SRFBP1: variants seen among roughly 807,000 people sequenced by gnomAD.
The protein encoded by SRFBP1 is serum response factor-binding protein 1.
In SRFBP1, 47 loss-of-function variants were observed where a neutral mutation model predicts 45.5. The ratio of observed to expected loss-of-function variants is 1.03; its 90% CI spans 0.82 to 1.32. The LOEUF is 1.32. Ranked by LOEUF, SRFBP1 falls within the 40% of genes most tolerant of loss-of-function variation. The pLI is 0.00. For missense variants in SRFBP1, 621 were observed against 484.6 expected, an observed-to-expected ratio of 1.28 and a Z score of -2.64; for synonymous variants, 203 against 166.3, an observed-to-expected ratio of 1.22 and a Z score of -1.70.
chr5:122,061,958 T>G (rs940502219), intron 2 of SRFBP1, among the ~76,000 whole-genome samples: 1 of 151,912 alleles, frequency 6.6e-6, no homozygotes, highest in African/African-American at 2.4e-5. Flanking sequence ...TTAAAATTAC[T>G]TAAGATGGTA....
At chr5:122,043,248 C>G (rs543141052) in intron 2 of SRFBP1, among the ~76,000 whole-genome samples, 1 of 151,932 alleles carries the variant, frequency 6.6e-6, no homozygotes, top group African/African-American at 2.4e-5. Context: ...CAGAGTCTCC[C>G]TCTGTCGCCC....
rs185452849 is a variant in SRFBP1, at chr5:122,026,829, A to G, written c.1106-113A>G. 4.8e-3 allele frequency: 3,531 copies of G among 738,654 alleles called. 13 individuals carry two copies. The highest frequency in any genetic ancestry group is 7.5e-3 in the Admixed American group (202 of 26,944). 45.8% of individuals were successfully genotyped at this position (738,654 alleles called of 1,614,324 possible). ...TCAGTTTTAAATTGTGAAATATTCC[A>G]TTTAAGAAAACAAAATTTCTTTTTT... is the stretch of plus-strand genomic sequence containing the variant. On this transcript the variant is annotated intron_variant, in intron 7 of 7. Transcript: ENST00000339397.
intron 2 of SRFBP1, among the ~76,000 whole-genome samples, chr5:122,038,542 A>G (rs1753726540): frequency 6.6e-6 from 1 of 152,248 alleles, no homozygotes; most frequent in African/African-American, 2.4e-5. Context: ...AGGATCAAAT[A>G]TCACTGCTTC....
At chr5:121,983,885 C>T (rs972805147) in intron 3 of SRFBP1, among the ~76,000 whole-genome samples, 1 of 151,586 alleles carries the variant, frequency 6.6e-6, no homozygotes, top group Non-Finnish European at 1.5e-5. Context: ...TGTTCAAGAC[C>T]CTAAAATTAG....
intron 2 of SRFBP1, among the ~76,000 whole-genome samples, chr5:122,049,904 A>G (rs1561408858): frequency 6.6e-6 from 1 of 152,214 alleles, no homozygotes; most frequent in Admixed American, 6.5e-5. Flanking sequence ...ATAGCACTAA[A>G]TGCTCACAAG....
chr5:121,970,930 C>A (rs1358556199), intron 1 of SRFBP1, among the ~76,000 whole-genome samples: 1 of 151,972 alleles, frequency 6.6e-6, no homozygotes, highest in Non-Finnish European at 1.5e-5. Flanking sequence ...GTACTTGTGA[C>A]CCTCTCAGGG....
chr5:122,035,650 A>T (rs1753682423), intron 2 of SRFBP1, among the ~76,000 whole-genome samples: 1 of 152,156 alleles, frequency 6.6e-6, no homozygotes, highest in Non-Finnish European at 1.5e-5. Context: ...ATTCCAGCTT[A>T]CTATATTCTA....
At chr5:122,037,547 A>G (rs985702702) in intron 2 of SRFBP1, among the ~76,000 whole-genome samples, 1 of 151,910 alleles carries the variant, frequency 6.6e-6, no homozygotes, top group Admixed American at 6.6e-5. Flanking sequence ...CTCTGTCGCT[A>G]TGTTGAAGAG....
rs537742338 is a variant in SRFBP1, at chr5:122,015,623, A to G, written c.271-3637A>G. Among the ~76,000 whole-genome samples, 11 of 152,366 alleles carry G rather than the reference A, an allele frequency of 7.2e-5. No homozygotes were observed. In the East Asian group the frequency reaches 2.1e-3, roughly 29 times the overall value. The stretch of plus-strand genomic sequence containing the variant: ...CTTTGGCTTTGTTCCATAAAACTTT[A>G]TTAAATAAAAGAAAGTTCCAGCGGC... On this transcript the variant is annotated intron_variant, in intron 4 of 7. Coordinates refer to ENST00000339397, the MANE Select transcript of SRFBP1 (RefSeq NM_152546.3).
chr5:121,993,471 A>AAG (rs1752656674), intron 3 of SRFBP1, among the ~76,000 whole-genome samples: 2 of 152,108 alleles, frequency 1.3e-5, no homozygotes, highest in South Asian at 4.1e-4. Context: ...ACCGTGGTAG[A>AAG]GATTTTTTGA....
At chr5:121,988,881 C>G (rs1191647007) in intron 3 of SRFBP1, among the ~76,000 whole-genome samples, 2 of 151,856 alleles carry the variant, frequency 1.3e-5, no homozygotes, top group African/African-American at 4.8e-5. Flanking sequence ...TTTTTTTCTC[C>G]TAAGTTCATA....
At position 122,028,230 on chromosome 5, in the gene SRFBP1, C is replaced by T. The variant is rs1460681575; in HGVS notation, c.*1104C>T. On this transcript the variant is annotated 3_prime_UTR_variant, in exon 8 of 8. Transcript: ENST00000339397. ...AATCCATGTTTCCTGCACATTAGTTCCTTTAATGGCAGGGAAGGCCATCTG... is the reference window on the plus strand; with the variant it reads ...AATCCATGTTTCCTGCACATTAGTTTCTTTAATGGCAGGGAAGGCCATCTG... 1.3e-5 allele frequency: 2 copies of T among 152,164 alleles called. No individual in the cohort carries two copies. The highest frequency in any genetic ancestry group is 1.5e-5 in the Non-Finnish European group (1 of 68,038). The allele number at this position is 152,164 out of a possible 1,614,324, so 9.4% of individuals were successfully genotyped here.
intron 3 of SRFBP1, among the ~76,000 whole-genome samples, chr5:121,987,817 T>A (rs1752546296): frequency 6.6e-6 from 1 of 152,200 alleles, no homozygotes; most frequent in Non-Finnish European, 1.5e-5. Flanking sequence ...CTTTTTGTGT[T>A]TACCCAATCT....
intron 2 of SRFBP1, among the ~76,000 whole-genome samples, chr5:122,045,077 G>A (rs1393137813): frequency 6.6e-6 from 1 of 152,098 alleles, no homozygotes; most frequent in African/African-American, 2.4e-5. Context: ...TTCTGCATAT[G>A]GCTAGCCCAT....
chr5:122,036,824 G>A (rs1753701097), intron 2 of SRFBP1, among the ~76,000 whole-genome samples: 1 of 151,372 alleles, frequency 6.6e-6, no homozygotes, highest in African/African-American at 2.4e-5. Context: ...TTTGCTGATT[G>A]TAATCTATAT....
In SRFBP1 at chr5:122,024,953, G is replaced by GT. The variant is rs556012127; in HGVS notation, c.1106-1981dup. On this transcript the variant is annotated intron_variant, in intron 7 of 7. Transcript: ENST00000339397. ...ACAGGTTTTTGTTTTGTTTTGTTTT[G>GT]TTTTTTTTATTTTTATTATTATTAC... Among the ~76,000 whole-genome samples the GT allele has an allele frequency of 4.6e-3, 701 of 151,286 alleles. 5 individuals carry two copies. The highest frequency in any genetic ancestry group is 0.016 in the African/African-American group (659 of 41,242).
rs1752954988 is a variant in SRFBP1 at position 122,005,393 on chromosome 5, A to AGT, written c.270+10725_270+10726dup. On this transcript the variant is annotated intron_variant, in intron 4 of 7. Transcript: ENST00000339397. ...GATGAATTGACCCCTTTATCTATAT[A>AGT]GTGACTCTGGTCTCATTGTACAATT... Among the ~76,000 whole-genome samples, 3 of 152,106 alleles carry AGT rather than the reference A, an allele frequency of 2.0e-5. 1 individual carries two copies. The South Asian group carries it at 6.2e-4, about 32-fold the overall frequency.
At chr5:122,060,667 A>G (rs1024886187) in intron 2 of SRFBP1, among the ~76,000 whole-genome samples, 3 of 152,130 alleles carry the variant, frequency 2.0e-5, no homozygotes, top group African/African-American at 7.2e-5. Flanking sequence ...CTGTGTACAT[A>G]TGTAACCCGG....
intron 4 of SRFBP1, among the ~76,000 whole-genome samples, chr5:122,005,100 C>A (rs1286158797): frequency 6.6e-6 from 1 of 152,068 alleles, no homozygotes; most frequent in Non-Finnish European, 1.5e-5. Flanking sequence ...TCCTTGTGTT[C>A]TTGAGAAGAA....
Sources: allele counts gnomAD v4.1 joint callset (sites outside exome capture counted in the v4.1 genomes callset), GRCh38; gene constraint gnomAD v4.1.1; transcripts MANE v1.5; gene names NCBI Gene and HGNC (gene_info 2026-07-23, HGNC 2026-07-21).